RBKS: variants seen among roughly 807,000 people sequenced by gnomAD.
RBKS encodes the protein ribokinase.
Under a neutral mutation model 33.9 loss-of-function variants are expected in RBKS, and 33 were observed. The observed-to-expected ratio is 0.97, with a 90% CI of 0.74 to 1.30. The LOEUF is 1.30. RBKS is among the 50% of genes most tolerant of loss of function. The probability of loss-of-function intolerance (pLI) is 0.00; values close to 1 mark genes in which losing one functional copy is unlikely to be tolerated. For missense variants in RBKS, 361 were observed against 392.6 expected (o/e 0.92, Z 0.68); for synonymous variants, 125 against 143.0 (o/e 0.87, Z 0.90).
chr2:27,786,903 C>T (rs532785442), intron 7 of RBKS, among the ~76,000 whole-genome samples: 1 of 152,270 alleles, frequency 6.6e-6, no homozygotes, highest in Admixed American at 6.5e-5. Flanking sequence ...CTTGGTGGAA[C>T]TGTGTGTGCT....
chr2:27,819,562 C>T (rs1007616047), intron 7 of RBKS, among the ~76,000 whole-genome samples: 1 of 152,188 alleles, frequency 6.6e-6, no homozygotes, highest in African/African-American at 2.4e-5. Flanking sequence ...AAACATGAGG[C>T]ATCACCTATT....
At chr2:27,861,437 G>C in intron 1 of RBKS, 1 of 469,148 alleles carries the variant, frequency 2.1e-6, no homozygotes, top group Non-Finnish European at 4.4e-6. Context: ...TGCACTCCCA[G>C]TATCAGCAGC....
intron 1 of RBKS, chr2:27,870,981 A>G (rs1303233197): frequency 9.2e-6 from 4 of 433,034 alleles, no homozygotes; most frequent in Non-Finnish European, 1.9e-5. Context: ...TGACTCATTA[A>G]TCCACTCTAA....
chr2:27,782,913 C>T (rs918411710), intron 7 of RBKS, among the ~76,000 whole-genome samples: 1 of 152,170 alleles, frequency 6.6e-6, no homozygotes, highest in Admixed American at 6.5e-5. Context: ...GGAGTTTCTA[C>T]ATAAATTATT....
intron 7 of RBKS, among the ~76,000 whole-genome samples, chr2:27,793,674 G>A (rs1161524248): frequency 3.3e-5 from 5 of 152,296 alleles, no homozygotes; most frequent in South Asian, 2.1e-4. Context: ...ATTGGATCCT[G>A]AACCAAAAAT....
chr2:27,851,523 T>C (rs1294248868), intron 2 of RBKS, among the ~76,000 whole-genome samples: 1 of 150,528 alleles, frequency 6.6e-6, no homozygotes, highest in Non-Finnish European at 1.5e-5. Flanking sequence ...TGTTCCATTC[T>C]TTTTTTTTTA....
intron 1 of RBKS, 120 bp from the exon 2 acceptor site, chr2:27,858,691 T>C (rs1273434092): frequency 4.1e-5 from 34 of 825,374 alleles, no homozygotes; most frequent in Non-Finnish European, 5.7e-5. Flanking sequence ...ATTAGAACTA[T>C]AAGCAGAAGC....
At chr2:27,813,118 A>C (rs1170668106) in intron 7 of RBKS, among the ~76,000 whole-genome samples, 1 of 152,128 alleles carries the variant, frequency 6.6e-6, no homozygotes, top group Non-Finnish European at 1.5e-5. Flanking sequence ...AGTATTCCTC[A>C]GCTAGGGATA....
chr2:27,844,226 T>C (rs1338612666), intron 4 of RBKS, among the ~76,000 whole-genome samples: 1 of 148,968 alleles, frequency 6.7e-6, no homozygotes, highest in Non-Finnish European at 1.5e-5. Context: ...TGTCATTGCA[T>C]TCCAGCCTGG....
intron 7 of RBKS, among the ~76,000 whole-genome samples, chr2:27,813,349 C>T (rs1336939693): frequency 6.6e-6 from 1 of 152,128 alleles, no homozygotes; most frequent in African/African-American, 2.4e-5. Flanking sequence ...AAAGAAACTA[C>T]AGACACATGT....
chr2:27,849,107 A>T (rs912929672), intron 2 of RBKS, among the ~76,000 whole-genome samples: 1 of 151,720 alleles, frequency 6.6e-6, no homozygotes, highest in Admixed American at 6.6e-5. Context: ...ACAGACACAG[A>T]CTCCTAATAG....
At chr2:27,880,295 G>A (rs1409269724) in intron 1 of RBKS, among the ~76,000 whole-genome samples, 2 of 152,162 alleles carry the variant, frequency 1.3e-5, no homozygotes, top group Admixed American at 6.5e-5. Flanking sequence ...AACCATCTAT[G>A]ACAAACCCAC....
At chr2:27,887,588 C>T (rs924242696) in intron 1 of RBKS, among the ~76,000 whole-genome samples, 8 of 152,040 alleles carry the variant, frequency 5.3e-5, no homozygotes, top group African/African-American at 1.9e-4. Flanking sequence ...AACGAGAGAT[C>T]ATGAAAAGTT....
rs1208161838 is a variant in RBKS at position 27,858,449 on chromosome 2, A to T, written c.212T>A (p.Met71Lys). 2.5e-6 allele frequency: 4 copies of T among 1,613,624 alleles called. No homozygotes were observed. The Admixed American group carries it at 6.7e-5, about 27-fold the overall frequency. Residue 71 changes from methionine to lysine, a missense_variant, in exon 2 of 8, where the codon ATG becomes AAG. By Grantham distance (95) the Met-to-Lys change is moderately conservative. Coordinates refer to ENST00000302188, the MANE Select transcript of RBKS (RefSeq NM_022128.3). Reference sequence around the variant, plus strand: ...ATACTTTGTACTTACCTTACACACCATGGACGTCATTGCTCCAAGCCGAGC... The same window carrying T: ...ATACTTTGTACTTACCTTACACACCTTGGACGTCATTGCTCCAAGCCGAGC... ...QAARLGAMTS[M>K]VCKVGKDSFG...
At chr2:27,872,982 G>C (rs1390697383) in intron 1 of RBKS, among the ~76,000 whole-genome samples, 1 of 152,166 alleles carries the variant, frequency 6.6e-6, no homozygotes, top group Non-Finnish European at 1.5e-5. Flanking sequence ...GAGAAAGCCT[G>C]CAAATGGGGA....
Position 27,890,362 on chromosome 2 carries a change from T to C in RBKS, c.-17A>G, listed in dbSNP as rs376141839. ...CGCCGCCATCGCTCAAAGGTGCTGCTGTCCAACCTGGACGGTGACCTCTGC... is the reference window on the plus strand; with the variant it reads ...CGCCGCCATCGCTCAAAGGTGCTGCCGTCCAACCTGGACGGTGACCTCTGC... On this transcript the variant is annotated 5_prime_UTR_variant, in exon 1 of 8. Coordinates refer to ENST00000302188, the MANE Select transcript of RBKS (RefSeq NM_022128.3). The surrounding 1 kb of genome is among the most constrained non-coding windows in gnomAD (Gnocchi z 4.8). The C allele has an allele frequency of 6.2e-7, 1 of 1,610,758 alleles. No homozygotes were observed. The highest frequency in any genetic ancestry group is 2.2e-5 in the East Asian group (1 of 44,700).
intron 1 of RBKS, among the ~76,000 whole-genome samples, chr2:27,868,539 C>A (rs187022580): frequency 4.9e-4 from 74 of 152,260 alleles, no homozygotes; most frequent in Admixed American, 3.9e-3. Context: ...ATATTCAATA[C>A]ATAAAACACA....
intron 7 of RBKS, among the ~76,000 whole-genome samples, chr2:27,790,827 T>A (rs138342044): frequency 5.2e-4 from 79 of 152,318 alleles, no homozygotes; most frequent in African/African-American, 1.8e-3. Flanking sequence ...CTTGTGGGAA[T>A]GCAAAATGAT....
At chr2:27,801,462 TATACACACAC>T (rs1337344351) in intron 7 of RBKS, among the ~76,000 whole-genome samples, 19 of 82,992 alleles carry the variant, frequency 2.3e-4, no homozygotes, top group African/African-American at 6.9e-4. Flanking sequence ...AGGGCCACAG[TATACACACAC>T]ACACACACAC....
Sources: gnomAD v4.1 joint callset for allele counts (sites outside exome capture counted in the v4.1 genomes callset) on GRCh38, gnomAD v4.1.1 for gene constraint, Gnocchi (gnomAD v3.1) non-coding constraint, MANE v1.5 for transcripts, NCBI Gene and HGNC (gene_info 2026-07-23, HGNC 2026-07-21) for gene names.